The following ABCB6 variants were observed in gnomAD, a reference collection of about 807,000 sequenced individuals.
The protein encoded by ABCB6 is ATP binding cassette subfamily B member 6 (LAN blood group).
A neutral mutation model predicts 99.4 loss-of-function variants in ABCB6; 87 were observed. The ratio of observed to expected loss-of-function variants is 0.88; its 90% CI spans 0.74 to 1.05. The LOEUF (loss-of-function observed/expected upper bound fraction) is 1.05. ABCB6 is among the 50% of genes least tolerant of loss of function. The probability of loss-of-function intolerance (pLI) is 0.00; values close to 1 mark genes in which losing one functional copy is unlikely to be tolerated. For missense variants in ABCB6, 1,050 were observed against 1,097.9 expected (o/e 0.96, Z 0.62); for synonymous variants, 482 against 447.5 (o/e 1.08, Z -0.97).
intron 6 of ABCB6, 85 bp downstream of exon 6, chr2:219,214,876 G>C (rs1019649356): frequency 3.2e-6 from 5 of 1,540,876 alleles, no homozygotes; most frequent in Non-Finnish European, 4.5e-6. Flanking sequence ...CCTCCCATAG[G>C]TGGGTCACTT....
Position 219,209,791 on chromosome 2 carries a change from T to A in ABCB6, c.*147A>T. The A allele has an allele frequency of 1.4e-6, 1 of 719,774 alleles. No homozygotes were observed. The highest frequency in any genetic ancestry group is 1.7e-5 in the South Asian group (1 of 60,440). The allele number at this position is 719,774 out of a possible 1,614,324, so 44.6% of individuals were successfully genotyped here. On this transcript the variant is annotated 3_prime_UTR_variant, in exon 19 of 19. Transcript: ENST00000265316. The stretch of plus-strand genomic sequence containing the variant: ...TCCTCGCACAGTCCACATTTTTATT[T>A]CCCCAAAAGATGTTTTTCGGAAAGG...
intron 1 of ABCB6, 59 bp from the exon 2 acceptor site, chr2:219,217,866 A>G: frequency 1.3e-6 from 2 of 1,585,584 alleles, no homozygotes; most frequent in Non-Finnish European, 1.7e-6. Flanking sequence ...TTGTATTACT[A>G]CTTATAATAG....
rs1336432483 is a variant in ABCB6 at position 219,214,713 on chromosome 2, G to A, written c.1277-215C>T. ...GCAAGCTGCATCTTGTTACACAAAC[G>A]AGGCTTCCTTGACCTGTGTCCACGG... is the stretch of plus-strand genomic sequence containing the variant. On this transcript the variant is annotated intron_variant, in intron 6 of 18. Coordinates refer to ENST00000265316, the MANE Select transcript of ABCB6 (RefSeq NM_005689.4). 1.6e-5 allele frequency: 10 copies of A among 626,932 alleles called. No individual in the cohort carries two copies. The East Asian group carries it at 2.5e-4, about 15-fold the overall frequency. 38.8% of individuals were successfully genotyped at this position (626,932 alleles called of 1,614,324 possible).
chr2:219,213,702 G>A (rs760658194), intron 9 of ABCB6, 36 bp from the exon 10 acceptor site: 12 of 1,613,584 alleles, frequency 7.4e-6, no homozygotes, highest in East Asian at 2.2e-5. Context: ...TGTCACGGGG[G>A]GCCTGCAGGC....
In ABCB6 at chr2:219,213,008, C is replaced by G. The variant is rs1302029922; in HGVS notation, c.1863G>C (p.Leu621=). The part of the protein sequence containing the change: ...FTVMPGQTLA[L]VGPSGAGKST... ...GCCAAGTGGCTGGGTCTCCTCTCAC[C>G]AGGGCAAGTGTCTGTCCAGGCATCA... Residue 621 remains leucine, a splice_region_variant and synonymous_variant, in exon 13 of 19, where the codon CTG becomes CTC. Coordinates refer to ENST00000265316, the MANE Select transcript of ABCB6 (RefSeq NM_005689.4). 1 of 1,613,960 alleles carries G rather than the reference C, an allele frequency of 6.2e-7. No homozygotes were observed. Among genetic ancestry groups the G allele is most frequent in the South Asian group, 1.1e-5 (1 of 91,052 alleles).
At position 219,214,344 on chromosome 2, in the gene ABCB6, CCACAT is replaced by C. The variant is rs1273361365; in HGVS notation, c.1386+40_1386+44del. On this transcript the variant is annotated intron_variant, in intron 7 of 18. Transcript: ENST00000265316. ...CCCCAGTGGTCCTGGTTACACTCCT[CCACAT>C]CTCCACGCCTCACACCACTGCCACC... 2.6e-6 allele frequency: 4 copies of C among 1,546,076 alleles called. No individual in the cohort carries two copies. The Admixed American group carries it at 5.0e-5, about 19-fold the overall frequency.
Position 219,216,953 on chromosome 2 carries a change from C to A in ABCB6, c.688-121G>T. On this transcript the variant is annotated intron_variant, in intron 2 of 18. Transcript: ENST00000265316. The surrounding 1 kb of genome is among the most constrained non-coding windows in gnomAD (Gnocchi z 4.2). ...CAGGTATCTCAGACCCACAAGTGAT[C>A]CTTGATGGGGTCAGAAAAACTAAGT... is the stretch of plus-strand genomic sequence containing the variant. The A allele has an allele frequency of 1.2e-6, 1 of 838,480 alleles. No homozygotes were observed. The highest frequency in any genetic ancestry group is 2.7e-5 in the East Asian group (1 of 36,468). The allele number at this position is 838,480 out of a possible 1,614,324, so 51.9% of individuals were successfully genotyped here.
chr2:219,210,517 A>G (rs748612085), intron 16 of ABCB6, 42 bp from the exon 17 acceptor site: 1 of 1,606,480 alleles, frequency 6.2e-7, no homozygotes, highest in Non-Finnish European at 8.5e-7. Flanking sequence ...GCCACTCAAA[A>G]CCCTCAATGG....
rs1370294659 is a variant in ABCB6, at chr2:219,213,613, G to A, written c.1632C>T (p.Leu544=). 42 of 1,614,112 alleles carry A rather than the reference G, an allele frequency of 2.6e-5. No individual in the cohort carries two copies. Among genetic ancestry groups the A allele is most frequent in the Non-Finnish European group, 3.3e-5 (39 of 1,180,054 alleles). Reference sequence around the variant, plus strand: ...ACCTGTAGTAGGTGCCAAACCAATTGAGGGGCATGTACAGCTGGATAATGT... The same window carrying A: ...ACCTGTAGTAGGTGCCAAACCAATTAAGGGGCATGTACAGCTGGATAATGT... The part of the protein sequence containing the change: ...GTYIIQLYMP[L]NWFGTYYRMI... The change falls in exon 10 of 19, where the codon CTC becomes CTT. Residue 544 remains leucine, a synonymous_variant. Transcript: ENST00000265316.
chr2:219,214,921 T>C, intron 6 of ABCB6, 40 bp downstream of exon 6: 4 of 1,613,238 alleles, frequency 2.5e-6, no homozygotes, highest in Non-Finnish European at 3.4e-6. Flanking sequence ...AGGGAGTCCC[T>C]GGATAGTTCA....
intron 12 of ABCB6, 44 bp downstream of exon 12, chr2:219,213,197 T>G (rs1432047716): frequency 1.9e-6 from 3 of 1,610,606 alleles, no homozygotes; most frequent in Non-Finnish European, 8.5e-7. Flanking sequence ...GAAGGCAGTG[T>G]GCAAATGAAC....
Position 219,216,567 on chromosome 2 carries a change from C to A in ABCB6, c.868+85G>T, listed in dbSNP as rs1369328698. 3 of 1,536,650 alleles carry A rather than the reference C, an allele frequency of 2.0e-6. No individual in the cohort carries two copies. In the African/African-American group the frequency reaches 4.1e-5, roughly 21 times the overall value. ...ACAGTCTCTTTCTGACCACCCAGCT[C>A]TGTCCCACCTCCCTAGGTAAGGACC... On this transcript the variant is annotated intron_variant, in intron 3 of 18. Transcript: ENST00000265316. This position sits in a 1 kb window ranked among gnomAD's most constrained non-coding sequence, Gnocchi z 4.2.
chr2:219,217,600 C>T lies in ABCB6; in HGVS notation c.687+70G>A, dbSNP rs111689903. On this transcript the variant is annotated intron_variant, in intron 2 of 18. Coordinates refer to ENST00000265316, the MANE Select transcript of ABCB6 (RefSeq NM_005689.4). ...TGGAGGTTGCAGTGAGCTGAGATCACGCCACTGCACTCCAGCCTGGTGACA... is the reference window on the plus strand; with the variant it reads ...TGGAGGTTGCAGTGAGCTGAGATCATGCCACTGCACTCCAGCCTGGTGACA... 1.7e-3 allele frequency: 2,244 copies of T among 1,345,230 alleles called. 36 individuals carry two copies. In the African/African-American group the frequency reaches 0.029, roughly 18 times the overall value. 83.3% of individuals were successfully genotyped at this position (1,345,230 alleles called of 1,614,324 possible).
intron 14 of ABCB6, among the ~76,000 whole-genome samples, chr2:219,211,613 C>T (rs950313008): frequency 4.5e-4 from 57 of 126,508 alleles, no homozygotes; most frequent in African/African-American, 1.3e-3. Context: ...TACAGAATAT[C>T]GTTGTACCTT....
chr2:219,214,358 C>A lies in ABCB6; in HGVS notation c.1386+31G>T, dbSNP rs1035002275. On this transcript the variant is annotated intron_variant, in intron 7 of 18. Coordinates refer to ENST00000265316, the MANE Select transcript of ABCB6 (RefSeq NM_005689.4). ...GTTACACTCCTCCACATCTCCACGCCTCACACCACTGCCACCGGGCCCTCT... is the reference window on the plus strand; with the variant it reads ...GTTACACTCCTCCACATCTCCACGCATCACACCACTGCCACCGGGCCCTCT... 1.9e-6 allele frequency: 3 copies of A among 1,582,220 alleles called. No individual in the cohort carries two copies. The Admixed American group carries it at 5.0e-5, about 26-fold the overall frequency.
At chr2:219,215,116 T>C in intron 5 of ABCB6, 34 bp from the exon 6 acceptor site, 2 of 1,613,650 alleles carry the variant, frequency 1.2e-6, no homozygotes, top group Non-Finnish European at 1.7e-6. Context: ...AAGAAAGGTC[T>C]GGGGGCTTAG....
rs1950558896 is a variant in ABCB6 at position 219,210,234 on chromosome 2, C to T, written c.2416G>A (p.Gly806Arg). ...VIKDGCIVER[G>R]RHEALLSRGG... ...TTTGATCTATGTGTCTCTTACCGTC[C>T]CCTCTCCACGATGCAGCCATCCTTG... The change falls in exon 18 of 19, where the codon GGA (glycine) becomes AGA (arginine). Residue 806 changes from glycine (G) to arginine (R), a missense_variant. Transcript: ENST00000265316. The T allele has an allele frequency of 1.2e-6, 2 of 1,614,160 alleles. No homozygotes were observed. The highest frequency in any genetic ancestry group is 1.7e-6 in the Non-Finnish European group (2 of 1,180,022).
At position 219,214,059 on chromosome 2, in the gene ABCB6, G is replaced by A. The variant is rs2293080; in HGVS notation, c.1452+62C>T. On this transcript the variant is annotated intron_variant, in intron 8 of 18. Transcript: ENST00000265316. ...CCCCAACACTCGACTATCACTCTTG[G>A]CCCTGAAAATTCTACCAGGCCAGGG... 5.5e-4 allele frequency: 881 copies of A among 1,613,014 alleles called. 3 individuals are homozygous for A. The East Asian group carries it at 8.8e-3, about 16-fold the overall frequency.
rs1173209914 is a variant in ABCB6, at chr2:219,217,677, C to T, written c.680G>A (p.Arg227Lys). 3 of 1,600,816 alleles carry T rather than the reference C, an allele frequency of 1.9e-6. No homozygotes were observed. The East Asian group carries it at 6.7e-5, about 36-fold the overall frequency. ...AAAGAAACTGAGGTGTACCTGGCTC[C>T]TTTCCACATCTTGGTCCTCTTCATG... ...QVHEEDQDVE[R>K]SQVRSAAQQS... Residue 227 changes from arginine to lysine, a missense_variant, in exon 2 of 19, where the codon AGG becomes AAG. Transcript: ENST00000265316.
Sources: allele counts gnomAD v4.1 joint callset (sites outside exome capture counted in the v4.1 genomes callset), GRCh38; gene constraint gnomAD v4.1.1; non-coding constraint Gnocchi (gnomAD v3.1); transcripts MANE v1.5; gene names NCBI Gene and HGNC (gene_info 2026-07-23, HGNC 2026-07-21).